The following NBEA variants were observed in gnomAD, a reference collection of about 807,000 sequenced individuals.
NBEA encodes the protein lysosomal-trafficking regulator 2.
In NBEA, 44 loss-of-function variants were observed where a neutral mutation model predicts 343.4. The ratio of observed to expected loss-of-function variants is 0.13; its 90% CI spans 0.10 to 0.16. The LOEUF is 0.16. NBEA is among the 10% of genes least tolerant of loss of function. The pLI, the probability that NBEA is intolerant of heterozygous loss-of-function variation, is 1.00. For missense variants in NBEA, 2,555 were observed against 3,631.3 expected (o/e 0.70, Z 7.62); for synonymous variants, 1,175 against 1,238.7 (o/e 0.95, Z 1.08).
chr13:35,505,680 A>G (rs184029266), intron 41 of NBEA, among the ~76,000 whole-genome samples: 100 of 152,328 alleles, frequency 6.6e-4, no homozygotes, highest in Non-Finnish European at 8.8e-5. Flanking sequence ...CTTAATAACT[A>G]CAGTTTTCTC....
At position 35,164,381 on chromosome 13, in the gene NBEA, T is replaced by C; in HGVS notation, c.4105T>C (p.Phe1369Leu). The C allele has an allele frequency of 6.3e-7, 1 of 1,585,360 alleles. No homozygotes were observed. The highest frequency in any genetic ancestry group is 8.6e-7 in the Non-Finnish European group (1 of 1,163,614). ...CCATTCTACAAAGTCTGTAATGGAT[T>C]TTGTCAATAGCAATGAAAATATTAT... ...RSHSTKSVMD[F>L]VNSNENIIFV... Residue 1369 changes from phenylalanine to leucine, a missense_variant, in exon 24 of 59, where the codon TTT becomes CTT. Physicochemically the swap from Phe to Leu is conservative, Grantham distance 22. Transcript: ENST00000379939.
chr13:34,943,045 A>T lies in NBEA; in HGVS notation c.225A>T (p.Ala75=). The T allele has an allele frequency of 6.2e-7, 1 of 1,613,200 alleles. No individual in the cohort carries two copies. Among genetic ancestry groups the T allele is most frequent in the Non-Finnish European group, 8.5e-7 (1 of 1,179,590 alleles). ...TCCGCAACATCCGGATGAAATTCGC[A>T]GTGTTGATTGGACTCATACAGGTCG... The part of the protein sequence containing the change: ...VPIRNIRMKF[A]VLIGLIQVGE... The change falls in exon 1 of 59, where the codon GCA becomes GCT. Residue 75 remains alanine (A), a synonymous_variant. Coordinates refer to ENST00000379939, the MANE Select transcript of NBEA (RefSeq NM_001385012.1).
chr13:35,412,111 A>G (rs1189250495), intron 38 of NBEA, among the ~76,000 whole-genome samples: 1 of 152,154 alleles, frequency 6.6e-6, no homozygotes, highest in Non-Finnish European at 1.5e-5. Flanking sequence ...TTTGAAATCC[A>G]TGCATAATGT....
chr13:35,341,997 T>C (rs1312599454), intron 36 of NBEA, among the ~76,000 whole-genome samples: 6 of 152,050 alleles, frequency 3.9e-5, no homozygotes, highest in Non-Finnish European at 7.4e-5. Flanking sequence ...GTAAACAAAC[T>C]ATGATATATG....
In NBEA at chr13:35,605,487, GC is replaced by G. The variant is rs1319190465; in HGVS notation, c.7297-938del. 7.9e-5 allele frequency among the ~76,000 whole-genome samples: 12 copies of G among 152,218 alleles called. No individual in the cohort carries two copies. The East Asian group carries it at 2.3e-3, about 29-fold the overall frequency. ...CTACAGTGAGATTTAAATTTCAGAT[GC>G]TATGCCATCAATGTTGATCATATTA... On this transcript the variant is annotated intron_variant, in intron 47 of 58. Coordinates refer to ENST00000379939, the MANE Select transcript of NBEA (RefSeq NM_001385012.1).
chr13:35,128,580 T>C (rs1213966397), intron 17 of NBEA, among the ~76,000 whole-genome samples: 1 of 152,156 alleles, frequency 6.6e-6, no homozygotes, highest in Non-Finnish European at 1.5e-5. Flanking sequence ...CTAAGTTTTA[T>C]ACTACAAGTC....
intron 29 of NBEA, 59 bp from the exon 30 acceptor site, chr13:35,183,917 G>A: frequency 1.6e-6 from 2 of 1,222,312 alleles, no homozygotes; most frequent in Non-Finnish European, 2.4e-6. Context: ...ATCTTCAGTG[G>A]ACCATGTGGC....
intron 34 of NBEA, among the ~76,000 whole-genome samples, chr13:35,284,432 A>C (rs1459794536): frequency 6.6e-6 from 1 of 152,114 alleles, no homozygotes; most frequent in East Asian, 1.9e-4. Flanking sequence ...ATTTAAATAA[A>C]CTTTTTTAGT....
At chr13:35,020,922 GTCTATT>G (rs2061816590) in intron 1 of NBEA, among the ~76,000 whole-genome samples, 1 of 152,058 alleles carries the variant, frequency 6.6e-6, no homozygotes, top group Admixed American at 6.5e-5. Context: ...TTGTAGATTT[GTCTATT>G]TCTCTTTCAT....
chr13:34,986,106 A>G (rs1332481225), intron 1 of NBEA, among the ~76,000 whole-genome samples: 1 of 150,284 alleles, frequency 6.7e-6, no homozygotes, highest in Non-Finnish European at 1.5e-5. Context: ...TTGCTTCTCT[A>G]GTTCTTTTAA....
intron 11 of NBEA, among the ~76,000 whole-genome samples, chr13:35,105,073 A>G (rs895300862): frequency 3.3e-5 from 5 of 151,962 alleles, no homozygotes; most frequent in African/African-American, 9.7e-5. Flanking sequence ...GATGAGGGAA[A>G]TAAGTGTTTA....
chr13:35,044,436 C>T (rs1214667142), intron 2 of NBEA, among the ~76,000 whole-genome samples: 1 of 152,036 alleles, frequency 6.6e-6, no homozygotes, highest in Non-Finnish European at 1.5e-5. Context: ...GTAAAAATTG[C>T]TAATGGGCCA....
intron 41 of NBEA, among the ~76,000 whole-genome samples, chr13:35,482,929 G>A (rs1342254652): frequency 1.3e-5 from 2 of 151,880 alleles, no homozygotes; most frequent in East Asian, 1.9e-4. Context: ...TATGATTAAT[G>A]TATAAATGTC....
At chr13:35,210,544 G>A (rs1003261590) in intron 32 of NBEA, among the ~76,000 whole-genome samples, 1 of 152,058 alleles carries the variant, frequency 6.6e-6, no homozygotes, top group African/African-American at 2.4e-5. Context: ...ATATCATTGA[G>A]GGAAGACTCA....
intron 38 of NBEA, among the ~76,000 whole-genome samples, chr13:35,363,549 C>G (rs1426664537): frequency 6.6e-6 from 1 of 151,886 alleles, no homozygotes; most frequent in Non-Finnish European, 1.5e-5. Flanking sequence ...AGTTCATCTG[C>G]TAACAGTTCT....
intron 34 of NBEA, among the ~76,000 whole-genome samples, chr13:35,245,843 C>G (rs2031102473): frequency 6.6e-6 from 1 of 152,128 alleles, no homozygotes; most frequent in Non-Finnish European, 1.5e-5. Flanking sequence ...TGTACCGAAG[C>G]TGGAGAAGTT....
At chr13:35,546,719 A>AT (rs1408178327) in intron 41 of NBEA, among the ~76,000 whole-genome samples, 2 of 151,812 alleles carry the variant, frequency 1.3e-5, no homozygotes, top group East Asian at 2.0e-4. Context: ...TGACCGGCTA[A>AT]TTTTTTTGTA....
chr13:35,198,835 C>T (rs1372171638), intron 31 of NBEA, among the ~76,000 whole-genome samples: 1 of 151,866 alleles, frequency 6.6e-6, no homozygotes, highest in East Asian at 1.9e-4. Context: ...TAACTCAAGT[C>T]TGTCGTCTTC....
intron 1 of NBEA, among the ~76,000 whole-genome samples, chr13:34,983,591 TGCC>T: frequency 6.6e-6 from 1 of 152,152 alleles, no homozygotes; most frequent in East Asian, 1.9e-4. Flanking sequence ...CTTGAGGAAT[TGCC>T]ACACTGTCTT....
Sources: gnomAD v4.1 joint callset for allele counts (sites outside exome capture counted in the v4.1 genomes callset) on GRCh38, gnomAD v4.1.1 for gene constraint, MANE v1.5 for transcripts, NCBI Gene and HGNC (gene_info 2026-07-23, HGNC 2026-07-21) for gene names.